Variants in GSG1 observed in about 807,000 individuals in gnomAD.
GSG1 encodes the protein germ cell associated 1.
GSG1 carries 28 observed loss-of-function variants against 30.8 expected under a neutral mutation model. That is an observed-to-expected ratio of 0.91 (90% CI 0.67 to 1.25). GSG1 has a LOEUF of 1.25. Ranked by LOEUF, GSG1 falls within the 50% of genes most tolerant of loss-of-function variation. The pLI is 0.00. For synonymous variants in GSG1, 162 were observed against 178.0 expected (o/e 0.91, Z 0.71); for missense variants, 435 against 444.7 (o/e 0.98, Z 0.20).
At chr12:13,085,421 A>G (rs1865428385) in intron 6 of GSG1, among the ~76,000 whole-genome samples, 178 bp from the exon 7 acceptor site, 1 of 152,068 alleles carries the variant, frequency 6.6e-6, no homozygotes. Context: ...TAAAAAGAGA[A>G]TGACTCATGT....
intron 1 of GSG1, chr12:13,095,929 G>T: frequency 1.6e-6 from 1 of 607,940 alleles, no homozygotes; most frequent in Non-Finnish European, 2.7e-6. Flanking sequence ...TCTTTAAAAA[G>T]TAAATGATGG....
At chr12:13,090,385 C>T in intron 2 of GSG1, 118 bp downstream of exon 2, 1 of 864,560 alleles carries the variant, frequency 1.2e-6, no homozygotes. Flanking sequence ...GGGGTGTGGG[C>T]AGTGCTGCAC....
chr12:13,102,951 G>GT (rs1217133449), intron 1 of GSG1, among the ~76,000 whole-genome samples: 1 of 152,256 alleles, frequency 6.6e-6, no homozygotes, highest in Non-Finnish European at 1.5e-5. Context: ...TTGACTGTGT[G>GT]TTGTCCTTCC....
chr12:13,088,946 C>T, intron 3 of GSG1, 37 bp from the exon 4 acceptor site: 1 of 1,610,810 alleles, frequency 6.2e-7, no homozygotes. Context: ...GGAGCTACTC[C>T]CTGGGATGGT....
At position 13,101,065 on chromosome 12, in the gene GSG1, A is replaced by T. The variant is rs995156934; in HGVS notation, c.48+2400T>A. On this transcript the variant is annotated intron_variant, in intron 1 of 6. Coordinates refer to ENST00000651961, the MANE Select transcript of GSG1 (RefSeq NM_001080555.4). This position sits in a 1 kb window ranked among gnomAD's most constrained non-coding sequence, Gnocchi z 5.8. The stretch of plus-strand genomic sequence containing the variant: ...GCCGCCTTTCTTCCAGGCCCCAAGC[A>T]GCTGGAGTGAATCAGAGGGGCAGCC... Among the ~76,000 whole-genome samples the T allele has an allele frequency of 2.0e-5, 3 of 152,216 alleles. No individual in the cohort carries two copies. Among genetic ancestry groups the T allele is most frequent in the Non-Finnish European group, 4.4e-5 (3 of 68,040 alleles).
At chr12:13,097,056 C>T (rs1438063735) in intron 1 of GSG1, among the ~76,000 whole-genome samples, 1 of 152,016 alleles carries the variant, frequency 6.6e-6, no homozygotes, top group East Asian at 1.9e-4. Flanking sequence ...TGCCACTGCA[C>T]TCCAACCTGG....
Position 13,090,597 on chromosome 12 carries a change from T to C in GSG1, c.270A>G (p.Val90=), listed in dbSNP as rs760020080. 1.2e-5 allele frequency: 19 copies of C among 1,614,236 alleles called. No individual in the cohort carries two copies. The South Asian group carries it at 1.9e-4, about 16-fold the overall frequency. Residue 90 remains valine (V), a synonymous_variant, in exon 2 of 7, where the codon GTA becomes GTG. Coordinates refer to ENST00000651961, the MANE Select transcript of GSG1 (RefSeq NM_001080555.4). ...GDTNTSTQEV[V]QYNWETGDDR... is the part of the protein sequence containing the mutation. ...CATCCCCAGTCTCCCAGTTGTATTG[T>C]ACCACCTCCTGGGTGGATGTGTTGG...
Position 13,103,646 on chromosome 12 carries a change from G to T in GSG1, c.-134C>A. On this transcript the variant is annotated 5_prime_UTR_variant, in exon 1 of 7. Coordinates refer to ENST00000651961, the MANE Select transcript of GSG1 (RefSeq NM_001080555.4). ...CCAGCAGAGGGGTAAGGTGGTGTGT[G>T]GTGGATTGGAGAGGATGTCCTGAGG... 1.0e-6 allele frequency: 1 copy of T among 955,216 alleles called. No homozygotes were observed. The highest frequency in any genetic ancestry group is 1.6e-6 in the Non-Finnish European group (1 of 606,962). The allele number at this position is 955,216 out of a possible 1,614,324, so 59.2% of individuals were successfully genotyped here.
Position 13,090,835 on chromosome 12 carries a change from C to G in GSG1, c.49-17G>C. The G allele has an allele frequency of 6.3e-7, 1 of 1,590,962 alleles. No individual in the cohort carries two copies. The highest frequency in any genetic ancestry group is 8.6e-7 in the Non-Finnish European group (1 of 1,166,134). On this transcript the variant is annotated splice_polypyrimidine_tract_variant and intron_variant, in intron 1 of 6. Coordinates refer to ENST00000651961, the MANE Select transcript of GSG1 (RefSeq NM_001080555.4). ...GAGCTCCATCTGTAATAGACAAGCA[C>G]AAGTGGAAGGGAAGGGAGCAGGGGA... is the stretch of plus-strand genomic sequence containing the variant.
Position 13,101,245 on chromosome 12 carries a change from A to T in GSG1, c.48+2220T>A, listed in dbSNP as rs1266416238. On this transcript the variant is annotated intron_variant, in intron 1 of 6. Transcript: ENST00000651961. The surrounding 1 kb of genome is among the most constrained non-coding windows in gnomAD (Gnocchi z 5.8). ...CTGGGCCGCGCCATCTCCACTTCCG[A>T]GCGCGCCCTCCCACCCTGATGAGTA... Among the ~76,000 whole-genome samples the T allele has an allele frequency of 2.6e-5, 4 of 151,180 alleles. No homozygotes were observed. The highest frequency in any genetic ancestry group is 6.6e-5 in the Admixed American group (1 of 15,220).
At chr12:13,102,380 A>G (rs963909102) in intron 1 of GSG1, among the ~76,000 whole-genome samples, 28 of 152,252 alleles carry the variant, frequency 1.8e-4, no homozygotes, top group African/African-American at 6.0e-4. Flanking sequence ...AGACGCTCCC[A>G]TATTCCCTCT....
intron 1 of GSG1, among the ~76,000 whole-genome samples, chr12:13,091,260 G>A (rs1475519993): frequency 2.6e-5 from 4 of 152,194 alleles, no homozygotes; most frequent in Admixed American, 6.5e-5. Flanking sequence ...GCCCTAAAGA[G>A]GTTATCTGAC....
chr12:13,103,413 G>A, intron 1 of GSG1, 52 bp downstream of exon 1: 3 of 1,316,194 alleles, frequency 2.3e-6, no homozygotes, highest in East Asian at 4.6e-5. Flanking sequence ...AAATCCAGCA[G>A]TAAAGATATG....
At position 13,098,455 on chromosome 12, in the gene GSG1, CATTT is replaced by C. The variant is rs1156613586; in HGVS notation, c.48+5006_48+5009del. On this transcript the variant is annotated intron_variant, in intron 1 of 6. Transcript: ENST00000651961. ...TCTTGTAGGATTGTTTCATGTAGCC[CATTT>C]TTTTTTTTTTTTTTTTTTTTTTTTT... Among the ~76,000 whole-genome samples the C allele has an allele frequency of 3.9e-4, 28 of 71,830 alleles. 2 individuals are homozygous for C. Among genetic ancestry groups the C allele is most frequent in the East Asian group, 1.0e-3 (3 of 2,992 alleles). 47.1% of individuals were successfully genotyped at this position (71,830 alleles called of 152,430 possible). A position where few individuals can be genotyped will look rare whatever the true frequency, so the allele number is the denominator to read the frequency against.
rs1254453682 is a variant in GSG1 at position 13,088,006 on chromosome 12, T to C, written c.535A>G (p.Ile179Val). Residue 179 changes from isoleucine (I) to valine (V), a missense_variant, in exon 5 of 7, where the codon ATC becomes GTC. Coordinates refer to ENST00000651961, the MANE Select transcript of GSG1 (RefSeq NM_001080555.4). ...TCTGTTAGTAGCAGGAGGAAGCTGA[T>C]GAATTGAAGTCCGATGTAGGTGATC... Reference protein sequence around the residue: ...TQITYIGLQFISFLLLLTDLL... With the variant: ...TQITYIGLQFVSFLLLLTDLL... The C allele has an allele frequency of 1.2e-6, 2 of 1,614,244 alleles. No homozygotes were observed. Among genetic ancestry groups the C allele is most frequent in the South Asian group, 2.2e-5 (2 of 91,084 alleles).
In GSG1 at chr12:13,099,353, G is replaced by A. The variant is rs1005363044; in HGVS notation, c.48+4112C>T. On this transcript the variant is annotated intron_variant, in intron 1 of 6. Coordinates refer to ENST00000651961, the MANE Select transcript of GSG1 (RefSeq NM_001080555.4). ...GCTCAGAAGCTCATGACTCAGCACA[G>A]ACACGAAGATTCCACACCTAAAAAC... 2.0e-5 allele frequency among the ~76,000 whole-genome samples: 3 copies of A among 152,216 alleles called. No homozygotes were observed. The South Asian group carries it at 6.2e-4, about 32-fold the overall frequency.
At chr12:13,097,793 T>C (rs1862842423) in intron 1 of GSG1, among the ~76,000 whole-genome samples, 1 of 152,196 alleles carries the variant, frequency 6.6e-6, no homozygotes, top group Non-Finnish European at 1.5e-5. Context: ...GGGCTTACAT[T>C]TAATAAAACC....
intron 6 of GSG1, 104 bp from the exon 7 acceptor site, chr12:13,085,347 G>T: frequency 9.8e-7 from 1 of 1,016,036 alleles, no homozygotes. Flanking sequence ...TTGCCTTGTA[G>T]GGATTTAGGG....
chr12:13,086,111 C>T (rs370076104), intron 6 of GSG1, among the ~76,000 whole-genome samples: 6 of 152,278 alleles, frequency 3.9e-5, no homozygotes, highest in African/African-American at 1.2e-4. Flanking sequence ...AGGTCACATG[C>T]GGGCACTGTG....
Sources: allele counts gnomAD v4.1 joint callset (sites outside exome capture counted in the v4.1 genomes callset), GRCh38; gene constraint gnomAD v4.1.1; non-coding constraint Gnocchi (gnomAD v3.1); transcripts MANE v1.5; gene names NCBI Gene and HGNC (gene_info 2026-07-23, HGNC 2026-07-21).